Variants in SDHA observed in about 807,000 individuals in gnomAD.
The protein encoded by SDHA is succinate dehydrogenase complex flavoprotein subunit A.
A neutral mutation model predicts 78.4 loss-of-function variants in SDHA; 48 were observed. The ratio of observed to expected loss-of-function variants is 0.61; its 90% CI spans 0.49 to 0.78. The LOEUF is 0.78. SDHA is among the 30% of genes least tolerant of loss of function. SDHA has a pLI of 0.00. For synonymous variants in SDHA, 326 were observed against 353.9 expected (o/e 0.92, Z 0.88); for missense variants, 680 against 892.7 (o/e 0.76, Z 3.04).
chr5:219,222 G>A (rs1734570982), intron 1 of SDHA, among the ~76,000 whole-genome samples: 1 of 152,246 alleles, frequency 6.6e-6, no homozygotes, highest in Non-Finnish European at 1.5e-5. Context: ...CTAGGGCCGG[G>A]CTCGGCTTAG....
intron 11 of SDHA, among the ~76,000 whole-genome samples, chr5:243,237 T>C (rs1026609608): frequency 6.6e-6 from 1 of 152,220 alleles, no homozygotes; most frequent in Non-Finnish European, 1.5e-5. Flanking sequence ...TTAAGGAGTT[T>C]AAACACGCTA....
chr5:265,499 G>C, the SDHA span, among the ~76,000 whole-genome samples: 1 of 152,188 alleles, frequency 6.6e-6, no homozygotes, highest in Admixed American at 6.5e-5. Context: ...CTTGAGGGAA[G>C]ATCAGCGATT....
chr5:267,200 C>G, the SDHA span, among the ~76,000 whole-genome samples: 3 of 152,212 alleles, frequency 2.0e-5, no homozygotes, highest in Admixed American at 2.0e-4. Flanking sequence ...TTACTGAATT[C>G]TAGCAGAAGA....
At chr5:221,776 A>C (rs1734729647) in intron 1 of SDHA, among the ~76,000 whole-genome samples, 1 of 152,178 alleles carries the variant, frequency 6.6e-6, no homozygotes, top group Non-Finnish European at 1.5e-5. Flanking sequence ...AAATTCAAAA[A>C]TCTGCCCCAG....
At chr5:232,473 G>A (rs1238210676) in intron 7 of SDHA, among the ~76,000 whole-genome samples, 2 of 152,058 alleles carry the variant, frequency 1.3e-5, no homozygotes, top group African/African-American at 2.4e-5. Context: ...CTCCTGCCTC[G>A]GCCCCTCAGG....
downstream of SDHA, among the ~76,000 whole-genome samples, chr5:260,428 C>T (rs376773046): frequency 2.5e-4 from 4 of 16,180 alleles, no homozygotes; most frequent in Non-Finnish European, 4.8e-4. Flanking sequence ...CTCCGCCTCC[C>T]GCCAGAGCAT....
At chr5:227,112 G>A (rs1230247565) in intron 5 of SDHA, among the ~76,000 whole-genome samples, 2 of 151,910 alleles carry the variant, frequency 1.3e-5, no homozygotes, top group African/African-American at 4.8e-5. Context: ...CTGGATTCAA[G>A]TGATTCTCCT....
intron 11 of SDHA, among the ~76,000 whole-genome samples, chr5:246,700 ATT>A (rs1736487997): frequency 6.6e-6 from 1 of 152,098 alleles, no homozygotes; most frequent in Non-Finnish European, 1.5e-5. Context: ...AGATTTGCTA[ATT>A]TTTCCAACTC....
rs1367248054 is a variant in SDHA at position 228,238 on chromosome 5, G to A, written c.675G>A (p.Leu225=). ...YFVEYFALDL[L]MENGECRGVI... ...TGGAGTATTTTGCCTTGGATCTCCT[G>A]ATGGAGAATGGGGAGTGCCGTGGTG... The change falls in exon 6 of 15, where the codon CTG becomes CTA. Residue 225 remains leucine, a synonymous_variant. Coordinates refer to ENST00000264932, the MANE Select transcript of SDHA (RefSeq NM_004168.4). The A allele has an allele frequency of 2.5e-6, 4 of 1,613,732 alleles. No homozygotes were observed. Among genetic ancestry groups the A allele is most frequent in the Non-Finnish European group, 3.4e-6 (4 of 1,179,704 alleles).
chr5:231,555 G>A lies in SDHA; in HGVS notation c.895+555G>A, dbSNP rs1395358297. ...AGCCTGGGCAACAGAGTAAGACTCCGTCTCAAAAAAAAAAAAAAAAAAAGT... is the reference window on the plus strand; with the variant it reads ...AGCCTGGGCAACAGAGTAAGACTCCATCTCAAAAAAAAAAAAAAAAAAAGT... On this transcript the variant is annotated intron_variant, in intron 7 of 14. Coordinates refer to ENST00000264932, the MANE Select transcript of SDHA (RefSeq NM_004168.4). 1.1e-3 allele frequency among the ~76,000 whole-genome samples: 145 copies of A among 128,492 alleles called. 1 individual carries two copies. Among genetic ancestry groups the A allele is most frequent in the Non-Finnish European group, 1.3e-3 (85 of 64,500 alleles). The allele number at this position is 128,492 out of a possible 152,430, so 84.3% of individuals were successfully genotyped here.
At chr5:242,656 G>A (rs1736218854) in intron 11 of SDHA, among the ~76,000 whole-genome samples, 1 of 152,098 alleles carries the variant, frequency 6.6e-6, no homozygotes, top group African/African-American at 2.4e-5. Context: ...CTCGGCAAAT[G>A]GCGCCCATAT....
intron 11 of SDHA, chr5:249,087 C>T (rs1379905797): frequency 2.3e-6 from 1 of 437,058 alleles, no homozygotes; most frequent in Non-Finnish European, 4.5e-6. Flanking sequence ...CATCCCAGCA[C>T]ACCTGACCTT....
intron 11 of SDHA, among the ~76,000 whole-genome samples, chr5:241,664 C>G (rs116690087): frequency 6.6e-6 from 1 of 152,320 alleles, no homozygotes; most frequent in Non-Finnish European, 1.5e-5. Context: ...CTACTATTTG[C>G]AAGAATTTCT....
intron 13 of SDHA, among the ~76,000 whole-genome samples, chr5:253,863 C>A (rs1426689346): frequency 2.0e-5 from 3 of 152,110 alleles, no homozygotes; most frequent in Admixed American, 1.3e-4. Flanking sequence ...GAGTTGTAGA[C>A]CAGCCTGGGC....
At chr5:240,593 A>C in intron 11 of SDHA, 117 bp downstream of exon 11, 1 of 749,198 alleles carries the variant, frequency 1.3e-6, no homozygotes, top group Non-Finnish European at 2.5e-6. Flanking sequence ...GTGTGGATGT[A>C]CTGGGAGGTG....
At position 222,751 on chromosome 5, in the gene SDHA, C is replaced by T. The variant is rs537088529; in HGVS notation, c.64-731C>T. ...TGGCTGGCCAACCTTAGCATATGGACAGTGTCACCTCTCTCACACAGAGCC... is the reference window on the plus strand; with the variant it reads ...TGGCTGGCCAACCTTAGCATATGGATAGTGTCACCTCTCTCACACAGAGCC... On this transcript the variant is annotated intron_variant, in intron 1 of 14. Coordinates refer to ENST00000264932, the MANE Select transcript of SDHA (RefSeq NM_004168.4). Among the ~76,000 whole-genome samples, 89 of 152,318 alleles carry T rather than the reference C, an allele frequency of 5.8e-4. No homozygotes were observed. The South Asian group carries it at 0.011, about 18-fold the overall frequency.
At chr5:258,510 C>T (rs1420361083), downstream of SDHA, among the ~76,000 whole-genome samples, 1 of 129,674 alleles carries the variant, frequency 7.7e-6, no homozygotes, top group East Asian at 2.0e-4. Flanking sequence ...GTGTGAGCTC[C>T]GCCCCCTGCC....
At chr5:259,537 A>C (rs1290933234), downstream of SDHA, among the ~76,000 whole-genome samples, 10 of 29,388 alleles carry the variant, frequency 3.4e-4, no homozygotes, top group South Asian at 1.4e-3. Context: ...GCCTCCCGCC[A>C]GAGCATTACC....
At chr5:237,951 G>A (rs1735885263) in intron 10 of SDHA, among the ~76,000 whole-genome samples, 1 of 136,276 alleles carries the variant, frequency 7.3e-6, no homozygotes, top group South Asian at 2.1e-4. Context: ...GCCGCAGGTA[G>A]TGCTTGTCTC....
Sources: allele counts gnomAD v4.1 joint callset (sites outside exome capture counted in the v4.1 genomes callset), GRCh38; gene constraint gnomAD v4.1.1; transcripts MANE v1.5; gene names NCBI Gene and HGNC (gene_info 2026-07-23, HGNC 2026-07-21).